Variants in NCAM2 observed in about 807,000 individuals in gnomAD.
NCAM2 encodes the protein neural cell adhesion molecule 2, also known as N-CAM-2.
Under a neutral mutation model 98.1 loss-of-function variants are expected in NCAM2, and 30 were observed. That is an observed-to-expected ratio of 0.31 (90% CI 0.23 to 0.41). The LOEUF (loss-of-function observed/expected upper bound fraction) is 0.41. Ranked by LOEUF, NCAM2 falls within the 10% of genes least tolerant of loss-of-function variation. The probability of loss-of-function intolerance (pLI) is 1.00; values close to 1 mark genes in which losing one functional copy is unlikely to be tolerated. For synonymous variants in NCAM2, 368 were observed against 342.4 expected (o/e 1.07, Z -0.83); for missense variants, 867 against 1,005.8 (o/e 0.86, Z 1.87).
At chr21:21,160,340 T>C (rs949366207) in intron 1 of NCAM2, among the ~76,000 whole-genome samples, 8 of 151,912 alleles carry the variant, frequency 5.3e-5, no homozygotes, top group African/African-American at 1.7e-4. Flanking sequence ...AATATATTGT[T>C]GTAGCATAAA....
chr21:21,520,856 A>G (rs1184745251), intron 16 of NCAM2, among the ~76,000 whole-genome samples: 2 of 150,130 alleles, frequency 1.3e-5, no homozygotes, highest in African/African-American at 5.1e-5. Flanking sequence ...CGATGTGGAC[A>G]AATCTGTGAG....
chr21:21,389,360 C>T (rs73322802), intron 9 of NCAM2, among the ~76,000 whole-genome samples: 2,749 of 152,282 alleles, frequency 0.018, 86 homozygotes, highest in African/African-American at 0.063. Flanking sequence ...CCACCAATCC[C>T]CTTCCATGAC....
intron 1 of NCAM2, among the ~76,000 whole-genome samples, chr21:21,074,368 T>C (rs1401553358): frequency 4.6e-5 from 7 of 152,100 alleles, no homozygotes; most frequent in African/African-American, 1.7e-4. Context: ...ATTACATTTA[T>C]TGATTAACAT....
At chr21:21,480,079 G>T (rs1985696282) in intron 15 of NCAM2, among the ~76,000 whole-genome samples, 1 of 152,014 alleles carries the variant, frequency 6.6e-6, no homozygotes, top group Non-Finnish European at 1.5e-5. Context: ...TAGAATAACT[G>T]CAACTGGCCG....
intron 9 of NCAM2, among the ~76,000 whole-genome samples, chr21:21,396,305 A>G (rs2076505373): frequency 6.6e-6 from 1 of 152,228 alleles, no homozygotes. Context: ...CCACAATGTG[A>G]TACAACCTCC....
chr21:21,435,048 G>A (rs2077438230), intron 12 of NCAM2, among the ~76,000 whole-genome samples: 1 of 152,074 alleles, frequency 6.6e-6, no homozygotes, highest in African/African-American at 2.4e-5. Flanking sequence ...TTCCTTTTTG[G>A]AGACAGAATA....
chr21:21,090,943 C>T (rs753574940), intron 1 of NCAM2, among the ~76,000 whole-genome samples: 1 of 152,198 alleles, frequency 6.6e-6, no homozygotes, highest in African/African-American at 2.4e-5. Context: ...AAATTCTCCT[C>T]ATTAATGCTT....
intron 15 of NCAM2, among the ~76,000 whole-genome samples, chr21:21,502,453 G>T (rs1987699953): frequency 1.3e-5 from 2 of 151,844 alleles, no homozygotes; most frequent in South Asian, 4.1e-4. Flanking sequence ...AATCTACAAA[G>T]CAAACTAAAA....
chr21:21,109,485 A>G (rs1425058043), intron 1 of NCAM2, among the ~76,000 whole-genome samples: 5 of 152,144 alleles, frequency 3.3e-5, no homozygotes, highest in Non-Finnish European at 4.4e-5. Flanking sequence ...GCAAATTGCA[A>G]TAGCTCTTTT....
intron 12 of NCAM2, among the ~76,000 whole-genome samples, chr21:21,446,968 C>T (rs1980260476): frequency 6.6e-6 from 1 of 152,020 alleles, no homozygotes; most frequent in African/African-American, 2.4e-5. Context: ...TGAAAATGTC[C>T]ATACTGCCCG....
chr21:21,060,612 C>T (rs1311751956), intron 1 of NCAM2, among the ~76,000 whole-genome samples: 2 of 152,050 alleles, frequency 1.3e-5, no homozygotes, highest in Non-Finnish European at 1.5e-5. Context: ...ATAAATCTAT[C>T]ACACCCTATT....
At chr21:21,158,881 A>G (rs950630961) in intron 1 of NCAM2, among the ~76,000 whole-genome samples, 2 of 152,094 alleles carry the variant, frequency 1.3e-5, no homozygotes, top group Admixed American at 1.3e-4. Flanking sequence ...TATTCCTTCT[A>G]TTTATAAAAG....
At chr21:21,263,716 C>T (rs1220529896) in intron 1 of NCAM2, among the ~76,000 whole-genome samples, 1 of 151,986 alleles carries the variant, frequency 6.6e-6, no homozygotes, top group Non-Finnish European at 1.5e-5. Context: ...CACCTACAAC[C>T]AACTGATCTT....
chr21:21,091,991 T>A (rs1445096819), intron 1 of NCAM2, among the ~76,000 whole-genome samples: 1 of 152,080 alleles, frequency 6.6e-6, no homozygotes, highest in Non-Finnish European at 1.5e-5. Flanking sequence ...AAAGAGGGCC[T>A]GACAAAGTTG....
intron 1 of NCAM2, among the ~76,000 whole-genome samples, chr21:21,146,100 T>G (rs567959829): frequency 3.9e-5 from 6 of 152,298 alleles, no homozygotes; most frequent in African/African-American, 1.4e-4. Flanking sequence ...TTTAATAATT[T>G]CTATCACAAT....
At chr21:21,496,600 G>T (rs1214858351) in intron 15 of NCAM2, among the ~76,000 whole-genome samples, 1 of 152,172 alleles carries the variant, frequency 6.6e-6, no homozygotes, top group Non-Finnish European at 1.5e-5. Flanking sequence ...TTGCTATACA[G>T]AAGCTCTTTA....
intron 1 of NCAM2, among the ~76,000 whole-genome samples, chr21:21,152,397 CT>C (rs916829534): frequency 1.3e-5 from 2 of 151,552 alleles, no homozygotes; most frequent in Non-Finnish European, 2.9e-5. Context: ...TTTTCTCCTG[CT>C]TGTGGGTCAC....
At chr21:21,047,884 A>G (rs1167701282) in intron 1 of NCAM2, among the ~76,000 whole-genome samples, 1 of 152,132 alleles carries the variant, frequency 6.6e-6, no homozygotes, top group Non-Finnish European at 1.5e-5. Flanking sequence ...TTCTCATCAC[A>G]TGGATTTTAT....
chr21:21,345,708 G>T (rs1259673781), intron 8 of NCAM2, among the ~76,000 whole-genome samples: 1 of 152,048 alleles, frequency 6.6e-6, no homozygotes, highest in African/African-American at 2.4e-5. Flanking sequence ...TATGCAAAGG[G>T]ATAATAGGAA....
Sources: gnomAD v4.1 joint callset for allele counts (sites outside exome capture counted in the v4.1 genomes callset) on GRCh38, gnomAD v4.1.1 for gene constraint, MANE v1.5 for transcripts, NCBI Gene and HGNC (gene_info 2026-07-23, HGNC 2026-07-21) for gene names.